Variants in CALN1 observed in about 807,000 individuals in gnomAD.
CALN1 encodes calcium-binding protein 8.
CALN1 carries 17 observed loss-of-function variants against 30.6 expected under a neutral mutation model. The observed-to-expected ratio is 0.56, with a 90% confidence interval of 0.38 to 0.83. CALN1 has a LOEUF of 0.83. CALN1 is among the 40% of genes least tolerant of loss of function. The pLI is 0.00. For missense variants in CALN1, 291 were observed against 354.9 expected (o/e 0.82, Z 1.45); for synonymous variants, 156 against 131.4 (o/e 1.19, Z -1.28).
rs1034783321 is a variant in CALN1 at position 71,782,568 on chromosome 7, T to C, written c.*5207A>G. ...ACCTATTTATGGCAGGGCCAAAAAA[T>C]TGAGGACAATCCCGAGTGACTTAGT... On this transcript the variant is annotated 3_prime_UTR_variant, in exon 7 of 7. Coordinates refer to ENST00000395275, the MANE Select transcript of CALN1 (RefSeq NM_031468.4). 2.0e-5 allele frequency: 3 copies of C among 152,280 alleles called. No homozygotes were observed. The highest frequency in any genetic ancestry group is 2.4e-5 in the African/African-American group (1 of 41,576). 9.4% of individuals were successfully genotyped at this position (152,280 alleles called of 1,614,324 possible).
chr7:71,973,017 C>T (rs543552031), intron 5 of CALN1, among the ~76,000 whole-genome samples: 1 of 151,518 alleles, frequency 6.6e-6, no homozygotes, highest in South Asian at 2.1e-4. Context: ...TCACACCATC[C>T]CCTCACTGGA....
At chr7:72,344,592 T>C (rs1325561310) in intron 2 of CALN1, among the ~76,000 whole-genome samples, 1 of 147,344 alleles carries the variant, frequency 6.8e-6, no homozygotes, top group Non-Finnish European at 1.5e-5. Flanking sequence ...TATTTATATG[T>C]AAATATATAT....
At chr7:72,309,380 CA>C (rs1799881848) in intron 2 of CALN1, among the ~76,000 whole-genome samples, 1 of 152,126 alleles carries the variant, frequency 6.6e-6, no homozygotes, top group South Asian at 2.1e-4. Flanking sequence ...AGAAGGGACT[CA>C]AAAGGGTCCC....
upstream of CALN1, among the ~76,000 whole-genome samples, chr7:72,416,453 G>A (rs569698845): frequency 2.9e-4 from 44 of 152,268 alleles, no homozygotes; most frequent in African/African-American, 8.9e-4. Flanking sequence ...CCGGGAACCC[G>A]GCTGGGCACG....
chr7:72,209,200 C>A (rs1378703926), intron 3 of CALN1, among the ~76,000 whole-genome samples: 1 of 144,782 alleles, frequency 6.9e-6, no homozygotes. Context: ...TTCCTTCCCT[C>A]CTTCCCTCCT....
At chr7:72,181,986 C>T (rs1401588962) in intron 3 of CALN1, among the ~76,000 whole-genome samples, 2 of 152,174 alleles carry the variant, frequency 1.3e-5, no homozygotes, top group African/African-American at 4.8e-5. Context: ...ACTCGAGCAG[C>T]TGTTTATAAA....
At chr7:71,801,090 T>C (rs1787272617) in intron 6 of CALN1, among the ~76,000 whole-genome samples, 1 of 152,198 alleles carries the variant, frequency 6.6e-6, no homozygotes, top group African/African-American at 2.4e-5. Flanking sequence ...TGTGTTAGTT[T>C]GCTGAGGATA....
At chr7:71,799,748 C>T (rs28436689) in intron 6 of CALN1, among the ~76,000 whole-genome samples, 196 of 152,188 alleles carry the variant, frequency 1.3e-3, no homozygotes, top group African/African-American at 4.5e-3. Context: ...AGTGCTGGGA[C>T]TACAGGCATG....
chr7:72,378,859 C>T (rs1585617246), intron 2 of CALN1, among the ~76,000 whole-genome samples: 1 of 152,122 alleles, frequency 6.6e-6, no homozygotes, highest in South Asian at 2.1e-4. Context: ...TGAGCCACTG[C>T]GCCCAGCCTG....
intron 3 of CALN1, among the ~76,000 whole-genome samples, chr7:72,181,501 G>GAGAC (rs10699818): frequency 0.99 from 145,725 of 147,486 alleles, 72,004 homozygotes; most frequent in Middle Eastern, 1. Flanking sequence ...TTTTTTTTTT[G>GAGAC]AGAGTCTTGC....
intron 2 of CALN1, among the ~76,000 whole-genome samples, chr7:72,332,904 G>C (rs1025278142): frequency 6.6e-6 from 1 of 152,004 alleles, no homozygotes; most frequent in Non-Finnish European, 1.5e-5. Flanking sequence ...GGTCTTCTCA[G>C]TGCCAAATCC....
intron 2 of CALN1, among the ~76,000 whole-genome samples, chr7:72,382,740 T>G (rs933731556): frequency 1.3e-5 from 2 of 152,152 alleles, no homozygotes; most frequent in African/African-American, 2.4e-5. Context: ...CTGCATTAGT[T>G]CAACCTAGCA....
At chr7:71,971,975 A>AAGAAAGAAAGAC (rs1797852497) in intron 5 of CALN1, among the ~76,000 whole-genome samples, 3 of 143,850 alleles carry the variant, frequency 2.1e-5, no homozygotes, top group African/African-American at 7.7e-5. Context: ...GAAAGAAAGA[A>AAGAAAGAAAGAC]AGAAAGAAAG....
chr7:72,387,237 G>A (rs1194015191), intron 2 of CALN1, among the ~76,000 whole-genome samples: 2 of 82,184 alleles, frequency 2.4e-5, no homozygotes, highest in Non-Finnish European at 2.4e-5. Context: ...GAAGGGAAGG[G>A]AGGGGAGGGA....
the CALN1 span, among the ~76,000 whole-genome samples, chr7:72,459,498 G>A: frequency 6.6e-6 from 1 of 152,010 alleles, no homozygotes; most frequent in East Asian, 1.9e-4. Flanking sequence ...GGTGGTGCAG[G>A]CCTTATAGTC....
At chr7:72,227,724 C>T (rs988202557) in intron 3 of CALN1, among the ~76,000 whole-genome samples, 11 of 151,880 alleles carry the variant, frequency 7.2e-5, no homozygotes, top group African/African-American at 2.4e-4. Context: ...TGCACAAGTA[C>T]CCTCTGAATC....
intron 5 of CALN1, among the ~76,000 whole-genome samples, chr7:71,974,851 G>T (rs1043761402): frequency 1.3e-5 from 2 of 152,136 alleles, no homozygotes; most frequent in Non-Finnish European, 2.9e-5. Flanking sequence ...GTGCAATTCC[G>T]CTCGGATTAG....
At chr7:72,198,957 C>T (rs1791226832) in intron 3 of CALN1, among the ~76,000 whole-genome samples, 1 of 151,834 alleles carries the variant, frequency 6.6e-6, no homozygotes, top group Non-Finnish European at 1.5e-5. Context: ...CCAGAACCAT[C>T]TGAAGAATGA....
intron 2 of CALN1, among the ~76,000 whole-genome samples, chr7:72,334,570 T>A (rs1285413126): frequency 6.6e-6 from 1 of 151,868 alleles, no homozygotes; most frequent in Admixed American, 6.6e-5. Flanking sequence ...GTCAATCAAG[T>A]CTTGCCCATC....
Sources: allele counts gnomAD v4.1 joint callset (sites outside exome capture counted in the v4.1 genomes callset), GRCh38; gene constraint gnomAD v4.1.1; transcripts MANE v1.5; gene names NCBI Gene and HGNC (gene_info 2026-07-23, HGNC 2026-07-21).